MANEA: variants seen among roughly 807,000 people sequenced by gnomAD.
MANEA encodes mannosidase endo-alpha, also known as glycoprotein endo-alpha-1,2-mannosidase.
In MANEA, 25 loss-of-function variants were observed where a neutral mutation model predicts 36.8. The ratio of observed to expected loss-of-function variants is 0.68; its 90% confidence interval spans 0.50 to 0.95. The LOEUF is 0.95. MANEA is among the 40% of genes least tolerant of loss of function. MANEA has a pLI of 0.00. For synonymous variants in MANEA, 198 were observed against 188.5 expected (o/e 1.05, Z -0.41); for missense variants, 565 against 558.8 (o/e 1.01, Z -0.11).
chr6:95,586,624 A>T lies in MANEA; in HGVS notation c.185A>T (p.Gln62Leu), dbSNP rs141496511. The change falls in exon 2 of 5, where the codon CAA becomes CTA. Residue 62 changes from glutamine to leucine, a missense_variant. Transcript: ENST00000358812. The part of the protein sequence containing the change: ...TIHLGKNFDF[Q>L]KSDRINSETN... ...CATTTGGGGAAAAATTTTGATTTCC[A>T]AAAGAGTGACAGAATCAACAGTGAA... 1 of 1,614,100 alleles carries T rather than the reference A, an allele frequency of 6.2e-7. No homozygotes were observed. The highest frequency in any genetic ancestry group is 2.2e-5 in the East Asian group (1 of 44,854).
intron 3 of MANEA, among the ~76,000 whole-genome samples, chr6:95,598,770 A>G (rs1769533256): frequency 6.6e-6 from 1 of 152,162 alleles, no homozygotes; most frequent in South Asian, 2.1e-4. Context: ...CACAATTTTT[A>G]TTTAAAACTA....
At chr6:95,591,870 A>G (rs1383640154) in intron 2 of MANEA, among the ~76,000 whole-genome samples, 2 of 151,952 alleles carry the variant, frequency 1.3e-5, no homozygotes, top group African/African-American at 4.8e-5. Flanking sequence ...CGCGTAGCTA[A>G]TTTTTGTACT....
chr6:95,605,104 G>A (rs1487376405), intron 4 of MANEA, among the ~76,000 whole-genome samples: 1 of 151,774 alleles, frequency 6.6e-6, no homozygotes, highest in East Asian at 1.9e-4. Context: ...CTTTCTTTTT[G>A]GAAGATTGCT....
rs1418687253 is a variant in MANEA, at chr6:95,586,653, A to G, written c.214A>G (p.Asn72Asp). Reference sequence around the variant, plus strand: ...GAGTGACAGAATCAACAGTGAAACAAATACCAAGAATTTAAAAAGTGTTGA... The same window carrying G: ...GAGTGACAGAATCAACAGTGAAACAGATACCAAGAATTTAAAAAGTGTTGA... ...QKSDRINSET[N>D]TKNLKSVEIT... Residue 72 changes from asparagine to aspartate, a missense_variant, in exon 2 of 5, where the codon AAT becomes GAT. By Grantham distance (23) the Asn-to-Asp change is conservative. Transcript: ENST00000358812. 6.2e-7 allele frequency: 1 copy of G among 1,613,940 alleles called. No homozygotes were observed. The highest frequency in any genetic ancestry group is 8.5e-7 in the Non-Finnish European group (1 of 1,179,998).
chr6:95,585,248 AC>A (rs1769259604), intron 1 of MANEA, among the ~76,000 whole-genome samples: 1 of 152,152 alleles, frequency 6.6e-6, no homozygotes, highest in Non-Finnish European at 1.5e-5. Flanking sequence ...CACATATAAT[AC>A]CCTTTCAGAA....
intron 4 of MANEA, 91 bp from the exon 5 acceptor site, chr6:95,605,657 C>T: frequency 1.2e-6 from 1 of 864,966 alleles, no homozygotes; most frequent in Non-Finnish European, 1.9e-6. Flanking sequence ...GCTCAAACTG[C>T]ACTGACTCCT....
chr6:95,598,743 A>G (rs1214723249), intron 3 of MANEA, among the ~76,000 whole-genome samples: 1 of 152,174 alleles, frequency 6.6e-6, no homozygotes, highest in Non-Finnish European at 1.5e-5. Context: ...AAAACTTCCA[A>G]ATTTATTCCA....
Position 95,606,314 on chromosome 6 carries a change from G to A in MANEA, c.1298G>A (p.Gly433Asp), listed in dbSNP as rs377566081. 3.1e-6 allele frequency: 5 copies of A among 1,611,604 alleles called. No homozygotes were observed. Among genetic ancestry groups the A allele is most frequent in the Non-Finnish European group, 3.4e-6 (4 of 1,179,824 alleles). Reference sequence around the variant, plus strand: ...CTAGATTACCGTCCTCATAAACCAGGTCTTTACCTAGAACTGACTCGCAAG... The same window carrying A: ...CTAGATTACCGTCCTCATAAACCAGATCTTTACCTAGAACTGACTCGCAAG... ...VYLDYRPHKP[G>D]LYLELTRKWS... Residue 433 changes from glycine to aspartate, a missense_variant, in exon 5 of 5, where the codon GGT (glycine) becomes GAT (aspartate). By Grantham distance (94) the Gly-to-Asp change is moderately conservative. Coordinates refer to ENST00000358812, the MANE Select transcript of MANEA (RefSeq NM_024641.4).
intron 2 of MANEA, among the ~76,000 whole-genome samples, chr6:95,587,548 T>A (rs1769312265): frequency 6.6e-6 from 1 of 152,140 alleles, no homozygotes; most frequent in South Asian, 2.1e-4. Context: ...TTTGTATGTG[T>A]GTATGTCTTT....
chr6:95,607,750 G>A lies in MANEA; in HGVS notation c.*1345G>A, dbSNP rs1648004549. The stretch of plus-strand genomic sequence containing the variant: ...AATGCACTGTATTCTTACAGTTAAT[G>A]TTTATAACTATAGTAAAAAATTAAT... On this transcript the variant is annotated 3_prime_UTR_variant, in exon 5 of 5. Transcript: ENST00000358812. 1 of 151,418 alleles carries A rather than the reference G, an allele frequency of 6.6e-6. No homozygotes were observed. Among genetic ancestry groups the A allele is most frequent in the African/African-American group, 2.4e-5 (1 of 41,346 alleles). 9.4% of individuals were successfully genotyped at this position (151,418 alleles called of 1,614,324 possible). A position where few individuals can be genotyped will look rare whatever the true frequency, so the allele number is the denominator to read the frequency against.
chr6:95,590,408 T>A (rs1385600668), intron 2 of MANEA, among the ~76,000 whole-genome samples: 1 of 152,214 alleles, frequency 6.6e-6, no homozygotes. Context: ...GTTTTCATCA[T>A]TGTTGCTTTA....
chr6:95,592,419 G>C (rs1769401129), intron 2 of MANEA, among the ~76,000 whole-genome samples: 1 of 151,984 alleles, frequency 6.6e-6, no homozygotes, highest in African/African-American at 2.4e-5. Flanking sequence ...TGTTTCTATT[G>C]ATTGCTTTGT....
intron 3 of MANEA, 70 bp from the exon 4 acceptor site, chr6:95,604,757 A>G (rs1163622250): frequency 3.3e-6 from 2 of 612,824 alleles, no homozygotes; most frequent in Non-Finnish European, 5.5e-6. Context: ...TTTATTAAAT[A>G]TATTAAGTAT....
At chr6:95,584,945 CT>C (rs1464882085) in intron 1 of MANEA, among the ~76,000 whole-genome samples, 1 of 152,200 alleles carries the variant, frequency 6.6e-6, no homozygotes, top group Non-Finnish European at 1.5e-5. Context: ...TTTCACTTGT[CT>C]TTCTTTTCTA....
chr6:95,584,262 CAA>C (rs1769237575), intron 1 of MANEA, among the ~76,000 whole-genome samples: 1 of 152,006 alleles, frequency 6.6e-6, no homozygotes, highest in Non-Finnish European at 1.5e-5. Flanking sequence ...TGGGGTCGGG[CAA>C]AAAGAGCCAT....
chr6:95,599,376 C>A (rs1769546512), intron 3 of MANEA, among the ~76,000 whole-genome samples: 8 of 151,014 alleles, frequency 5.3e-5, no homozygotes, highest in Admixed American at 5.3e-4. Context: ...AGATTGGTGC[C>A]ACTGCACTCC....
chr6:95,598,171 A>G (rs1005396848), intron 3 of MANEA, among the ~76,000 whole-genome samples: 7 of 152,206 alleles, frequency 4.6e-5, no homozygotes, highest in African/African-American at 1.4e-4. Context: ...TGTATTCAGA[A>G]TAGTTGATTT....
intron 3 of MANEA, among the ~76,000 whole-genome samples, chr6:95,601,601 A>G (rs1006939169): frequency 6.6e-6 from 1 of 152,008 alleles, no homozygotes; most frequent in Non-Finnish European, 1.5e-5. Flanking sequence ...CGAAAAGCAA[A>G]TGTTTGTCTT....
intron 3 of MANEA, among the ~76,000 whole-genome samples, 169 bp from the exon 4 acceptor site, chr6:95,604,658 T>C (rs1769666090): frequency 6.6e-6 from 1 of 152,044 alleles, no homozygotes; most frequent in African/African-American, 2.4e-5. Context: ...AGCATGTTAT[T>C]TAGCAGTAAA....
Sources: gnomAD v4.1 joint callset for allele counts (sites outside exome capture counted in the v4.1 genomes callset) on GRCh38, gnomAD v4.1.1 for gene constraint, MANE v1.5 for transcripts, NCBI Gene and HGNC (gene_info 2026-07-23, HGNC 2026-07-21) for gene names.